The following LYPLA1 variants were observed in gnomAD, a reference collection of about 807,000 sequenced individuals.
LYPLA1 encodes the protein acyl-protein thioesterase 1.
A neutral mutation model predicts 34.0 loss-of-function variants in LYPLA1; 17 were observed. That is an observed-to-expected ratio of 0.50 (90% CI 0.34 to 0.75). The LOEUF is 0.75. LYPLA1 is among the 30% of genes least tolerant of loss of function. The pLI is 0.01. For synonymous variants in LYPLA1, 98 were observed against 100.8 expected (o/e 0.97, Z 0.17); for missense variants, 203 against 288.8 (o/e 0.70, Z 2.15).
intron 2 of LYPLA1, among the ~76,000 whole-genome samples, chr8:54,076,884 C>T (rs979880625): frequency 2.0e-5 from 3 of 152,080 alleles, no homozygotes; most frequent in Admixed American, 6.6e-5. Flanking sequence ...AATCTCTGTT[C>T]GGGGCTCTCA....
At chr8:54,055,441 G>A (rs748004931) in intron 5 of LYPLA1, among the ~76,000 whole-genome samples, 13 of 151,846 alleles carry the variant, frequency 8.6e-5, no homozygotes, top group Non-Finnish European at 1.8e-4. Flanking sequence ...TGATGAAAGA[G>A]GACACCAAAA....
intron 1 of LYPLA1, 87 bp downstream of exon 1, chr8:54,101,668 C>A: frequency 8.5e-7 from 1 of 1,180,868 alleles, no homozygotes; most frequent in Non-Finnish European, 1.1e-6. Context: ...CAGGCCGCCA[C>A]GCGCCCGCAA....
chr8:54,055,568 G>A (rs928282584), intron 5 of LYPLA1, among the ~76,000 whole-genome samples: 1 of 151,548 alleles, frequency 6.6e-6, no homozygotes, highest in Non-Finnish European at 1.5e-5. Flanking sequence ...ATCACCCAAA[G>A]CAATCTACAG....
chr8:54,099,850 A>AT (rs1376412834), intron 2 of LYPLA1, among the ~76,000 whole-genome samples: 2 of 151,776 alleles, frequency 1.3e-5, no homozygotes, highest in Non-Finnish European at 2.9e-5. Context: ...CACCCGGGTA[A>AT]TTTTTATATT....
intron 2 of LYPLA1, among the ~76,000 whole-genome samples, chr8:54,086,236 GTTAA>G (rs1808756639): frequency 6.6e-6 from 1 of 151,504 alleles, no homozygotes; most frequent in Non-Finnish European, 1.5e-5. Context: ...CAGCATACTC[GTTAA>G]GAGTCATCAC....
At chr8:54,062,702 G>C (rs1446054888) in intron 4 of LYPLA1, among the ~76,000 whole-genome samples, 1 of 152,016 alleles carries the variant, frequency 6.6e-6, no homozygotes, top group Admixed American at 6.6e-5. Flanking sequence ...AGTAGACATG[G>C]GGTTTCACTG....
rs981538546 is a variant in LYPLA1, at chr8:54,055,675, G to C, written c.287-542C>G. Among the ~76,000 whole-genome samples the C allele has an allele frequency of 3.4e-5, 5 of 145,462 alleles. No individual in the cohort carries two copies. In the Admixed American group the frequency reaches 3.5e-4, roughly 10 times the overall value. ...TTTTTTTTTTTTGAGACAAAGTCTC[G>C]CTCTGTCACCCAGGCTGGAGTGCAG... On this transcript the variant is annotated intron_variant, in intron 5 of 8. Coordinates refer to ENST00000316963, the MANE Select transcript of LYPLA1 (RefSeq NM_006330.4).
At chr8:54,056,115 T>G (rs1806189102) in intron 5 of LYPLA1, among the ~76,000 whole-genome samples, 1 of 152,062 alleles carries the variant, frequency 6.6e-6, no homozygotes, top group Admixed American at 6.6e-5. Context: ...AGGAACAGAA[T>G]AGAGAACCCA....
At chr8:54,077,712 T>C (rs1808014616) in intron 2 of LYPLA1, among the ~76,000 whole-genome samples, 1 of 152,230 alleles carries the variant, frequency 6.6e-6, no homozygotes, top group African/African-American at 2.4e-5. Flanking sequence ...GTAAAGTGTA[T>C]GTTCCAACTT....
At chr8:54,065,721 AC>A in intron 3 of LYPLA1, 26 bp downstream of exon 3, 1 of 1,597,306 alleles carries the variant, frequency 6.3e-7, no homozygotes, top group Non-Finnish European at 8.6e-7. Flanking sequence ...ACTCTGAATC[AC>A]AAGCCTGAAG....
chr8:54,101,782 C>A lies in LYPLA1; in HGVS notation c.42G>T (p.Val14=), dbSNP rs1810182056. 2.3e-6 allele frequency: 3 copies of A among 1,297,460 alleles called. No homozygotes were observed. Among genetic ancestry groups the A allele is most frequent in the East Asian group, 3.0e-5 (1 of 33,570 alleles). The allele number at this position is 1,297,460 out of a possible 1,614,324, so 80.4% of individuals were successfully genotyped here. A position where few individuals can be genotyped will look rare whatever the true frequency, so the allele number is the denominator to read the frequency against. ...CAGCGGTGGCCTTCCGGGCGGCGGG[C>A]ACGATGGCGGGCAGCGGGGTTGACA... ...NNMSTPLPAI[V]PAARKATAAV... Residue 14 remains valine (V), a synonymous_variant, in exon 1 of 9, where the codon GTG becomes GTT. Transcript: ENST00000316963.
At chr8:54,070,464 G>A (rs752810948) in intron 2 of LYPLA1, among the ~76,000 whole-genome samples, 4 of 152,116 alleles carry the variant, frequency 2.6e-5, no homozygotes, top group East Asian at 1.9e-4. Context: ...TGGCTCATAC[G>A]GTAATCCCAG....
Position 54,065,774 on chromosome 8 carries a change from T to G in LYPLA1, c.141A>C (p.Ser47=). 6.2e-7 allele frequency: 1 copy of G among 1,613,956 alleles called. No individual in the cohort carries two copies. Among genetic ancestry groups the G allele is most frequent in the Non-Finnish European group, 8.5e-7 (1 of 1,179,884 alleles). ...CATGCGGGCAGATATATTTGATATGTGAACTTCTGATACCTGCAAAGGCTT... is the reference window on the plus strand; with the variant it reads ...CATGCGGGCAGATATATTTGATATGGGAACTTCTGATACCTGCAAAGGCTT... ...WAEAFAGIRS[S]HIKYICPHAP... Residue 47 remains serine, a synonymous_variant, in exon 3 of 9, where the codon TCA becomes TCC. Coordinates refer to ENST00000316963, the MANE Select transcript of LYPLA1 (RefSeq NM_006330.4).
chr8:54,066,743 T>C (rs60834806), intron 2 of LYPLA1, among the ~76,000 whole-genome samples: 8,344 of 149,992 alleles, frequency 0.056, 751 homozygotes, highest in African/African-American at 0.19. Flanking sequence ...ATCACGCCAC[T>C]GCACTCCAGC....
intron 3 of LYPLA1, among the ~76,000 whole-genome samples, chr8:54,064,577 A>G (rs998226686): frequency 6.6e-6 from 1 of 152,216 alleles, no homozygotes; most frequent in Non-Finnish European, 1.5e-5. Context: ...CAATCTTCTC[A>G]GCTGTTATTC....
chr8:54,075,159 T>A (rs369121088), intron 2 of LYPLA1, among the ~76,000 whole-genome samples: 1 of 152,224 alleles, frequency 6.6e-6, no homozygotes, highest in African/African-American at 2.4e-5. Flanking sequence ...TTATTAACTT[T>A]AAATTTTTTG....
intron 8 of LYPLA1, among the ~76,000 whole-genome samples, chr8:54,050,427 G>C (rs1412664678): frequency 6.6e-6 from 1 of 152,162 alleles, no homozygotes; most frequent in African/African-American, 2.4e-5. Context: ...CTGCTGCCTA[G>C]AGAGTAAGTC....
At chr8:54,057,598 G>A (rs947005641) in intron 5 of LYPLA1, among the ~76,000 whole-genome samples, 3 of 152,080 alleles carry the variant, frequency 2.0e-5, no homozygotes, top group African/African-American at 7.2e-5. Context: ...ACTTTTTTGT[G>A]GGATCTAAAA....
At chr8:54,084,557 C>T (rs543691439) in intron 2 of LYPLA1, among the ~76,000 whole-genome samples, 1 of 151,716 alleles carries the variant, frequency 6.6e-6, no homozygotes, top group East Asian at 1.9e-4. Context: ...GGAGAAAGAA[C>T]GAGAGTCCAT....
Sources: gnomAD v4.1 joint callset for allele counts (sites outside exome capture counted in the v4.1 genomes callset) on GRCh38, gnomAD v4.1.1 for gene constraint, MANE v1.5 for transcripts, NCBI Gene and HGNC (gene_info 2026-07-23, HGNC 2026-07-21) for gene names.